The following RANBP2 variants were observed in gnomAD, a reference collection of about 807,000 sequenced individuals.
RANBP2 encodes the protein RAN binding protein 2, also known as E3 SUMO-protein ligase RanBP2.
In RANBP2, 57 loss-of-function variants were observed where a neutral mutation model predicts 303.6. The observed-to-expected ratio is 0.19, with a 90% confidence interval of 0.15 to 0.23. The LOEUF (loss-of-function observed/expected upper bound fraction) is 0.23. Among genes scored for constraint, RANBP2 ranks in the 10% least tolerant of loss-of-function variants. The probability of loss-of-function intolerance (pLI) is 1.00; values close to 1 mark genes in which losing one functional copy is unlikely to be tolerated. For synonymous variants in RANBP2, 1,167 were observed against 1,301.5 expected (o/e 0.90, Z 2.23); for missense variants, 3,138 against 3,780.8 (o/e 0.83, Z 4.46).
At chr2:109,688,704 G>A in the RANBP2 span, among the ~76,000 whole-genome samples, 130 of 148,172 alleles carry the variant, frequency 8.8e-4, no homozygotes, top group African/African-American at 2.9e-3. Context: ...TACTGAACCC[G>A]GCAGGCGGAG....
At chr2:109,473,573 T>G in the RANBP2 span, among the ~76,000 whole-genome samples, 73,968 of 151,964 alleles carry the variant, frequency 0.49, 19,148 homozygotes, top group Non-Finnish European at 0.56. Flanking sequence ...TAACTGCTCA[T>G]CTGGGATTCA....
chr2:109,629,523 G>A, the RANBP2 span, among the ~76,000 whole-genome samples: 1 of 151,484 alleles, frequency 6.6e-6, no homozygotes, highest in Non-Finnish European at 1.5e-5. Flanking sequence ...ACGAAAATGT[G>A]TGTATGAGGC....
chr2:109,155,628 G>A, the RANBP2 span, among the ~76,000 whole-genome samples: 1 of 152,206 alleles, frequency 6.6e-6, no homozygotes, highest in South Asian at 2.1e-4. Context: ...ACACAATTTT[G>A]GCTATTTGTG....
chr2:108,751,826 C>G, intron 11 of RANBP2, 45 bp from the exon 12 acceptor site: 1 of 1,611,946 alleles, frequency 6.2e-7, no homozygotes, highest in Non-Finnish European at 8.5e-7. Context: ...AAGCCCTGAA[C>G]TGTGTATTTA....
chr2:108,990,067 G>A, the RANBP2 span, among the ~76,000 whole-genome samples: 3 of 151,920 alleles, frequency 2.0e-5, no homozygotes, highest in African/African-American at 4.8e-5. Flanking sequence ...AGGCTGAGGC[G>A]GGCAGATCAC....
chr2:109,598,497 A>G, the RANBP2 span, among the ~76,000 whole-genome samples: 2 of 152,166 alleles, frequency 1.3e-5, no homozygotes. Flanking sequence ...ATTCTTTAGG[A>G]TAATGTGAGC....
At chr2:109,550,202 A>G in the RANBP2 span, among the ~76,000 whole-genome samples, 3 of 151,804 alleles carry the variant, frequency 2.0e-5, no homozygotes, top group African/African-American at 7.3e-5. Context: ...AGGCAGGACA[A>G]TTGCTTGAAC....
the RANBP2 span, chr2:109,615,715 G>A: frequency 6.2e-7 from 1 of 1,613,550 alleles, no homozygotes; most frequent in Non-Finnish European, 8.5e-7. Flanking sequence ...GCGGGTAGCG[G>A]CGGCGGGCGC....
chr2:109,584,191 A>G, the RANBP2 span, among the ~76,000 whole-genome samples: 1 of 152,198 alleles, frequency 6.6e-6, no homozygotes, highest in South Asian at 2.1e-4. Context: ...AAAAATGGAA[A>G]TAAGACTGGG....
chr2:108,788,456 C>T (rs1679315022), downstream of RANBP2, among the ~76,000 whole-genome samples: 1 of 151,410 alleles, frequency 6.6e-6, no homozygotes, highest in Admixed American at 6.6e-5. Flanking sequence ...CGGTGGCTCA[C>T]GCCTGTAATC....
chr2:109,133,900 T>C, the RANBP2 span, among the ~76,000 whole-genome samples: 277 of 152,276 alleles, frequency 1.8e-3, 1 homozygote, highest in Non-Finnish European at 1.4e-3. Context: ...CTTGCCAGGC[T>C]GTAGTCTCTG....
the RANBP2 span, among the ~76,000 whole-genome samples, chr2:108,881,221 C>T: frequency 6.6e-6 from 1 of 152,216 alleles, no homozygotes; most frequent in East Asian, 1.9e-4. Flanking sequence ...TCTACACCAG[C>T]ACTTGTTGCT....
At chr2:109,366,171 G>T in the RANBP2 span, among the ~76,000 whole-genome samples, 1 of 151,926 alleles carries the variant, frequency 6.6e-6, no homozygotes, top group Non-Finnish European at 1.5e-5. Flanking sequence ...CTTTTTCTAG[G>T]TATATATATA....
chr2:108,850,601 A>G, the RANBP2 span, among the ~76,000 whole-genome samples: 2 of 151,978 alleles, frequency 1.3e-5, no homozygotes, highest in East Asian at 3.9e-4. Context: ...ACAGGCACGC[A>G]CCACCACACC....
the RANBP2 span, among the ~76,000 whole-genome samples, chr2:108,870,380 G>T: frequency 6.6e-6 from 1 of 152,180 alleles, no homozygotes; most frequent in African/African-American, 2.4e-5. Context: ...CCATCAGGCA[G>T]ACCAGTTGAT....
At chr2:108,727,295 T>C (rs1459260206) in intron 1 of RANBP2, among the ~76,000 whole-genome samples, 1 of 152,152 alleles carries the variant, frequency 6.6e-6, no homozygotes, top group Non-Finnish European at 1.5e-5. Context: ...AGATCTATGG[T>C]AAGAACAAAT....
the RANBP2 span, chr2:109,491,076 G>A: frequency 1.3e-6 from 1 of 773,570 alleles, no homozygotes; most frequent in Admixed American, 3.6e-5. Flanking sequence ...GATCCACATG[G>A]TCCCGAGCTT....
chr2:108,930,028 C>G, the RANBP2 span: 1 of 1,473,926 alleles, frequency 6.8e-7, no homozygotes, highest in East Asian at 2.5e-5. Flanking sequence ...CTGGCATCCC[C>G]TCACACAGCA....
At chr2:108,737,398 G>A (rs1388836062) in intron 6 of RANBP2, among the ~76,000 whole-genome samples, 2 of 146,520 alleles carry the variant, frequency 1.4e-5, no homozygotes, top group Non-Finnish European at 3.0e-5. Flanking sequence ...GAGTGCAATG[G>A]AACGACCTTG....
Sources: allele counts gnomAD v4.1 joint callset (sites outside exome capture counted in the v4.1 genomes callset), GRCh38; gene constraint gnomAD v4.1.1; transcripts MANE v1.5; gene names NCBI Gene and HGNC (gene_info 2026-07-23, HGNC 2026-07-21).